The following IQSEC1 variants were observed in gnomAD, a reference collection of about 807,000 sequenced individuals.
IQSEC1 encodes the protein IQ motif and Sec7 domain ArfGEF 1.
IQSEC1 carries 31 observed loss-of-function variants against 91.0 expected under a neutral mutation model. The ratio of observed to expected loss-of-function variants is 0.34; its 90% CI spans 0.26 to 0.46. The LOEUF (loss-of-function observed/expected upper bound fraction) is 0.46, where lower values mean the gene tolerates loss of function less well. Among genes scored for constraint, IQSEC1 ranks in the 20% least tolerant of loss-of-function variants. The pLI is 1.00. For synonymous variants in IQSEC1, 699 were observed against 662.6 expected, an observed-to-expected ratio of 1.05 and a Z score of -0.84; for missense variants, 1,388 against 1,575.6, an observed-to-expected ratio of 0.88 and a Z score of 2.02.
chr3:13,180,355 T>G (rs1204937886), intron 1 of IQSEC1, among the ~76,000 whole-genome samples: 1 of 152,128 alleles, frequency 6.6e-6, no homozygotes, highest in Non-Finnish European at 1.5e-5. Flanking sequence ...TGGTGGGGAC[T>G]TGGAGAACCT....
Position 12,922,799 on chromosome 3 carries a change from G to C in IQSEC1, c.1731-557C>G, listed in dbSNP as rs1696755736. ...CTGTGGGGCAGGGCCTGGAGGGGCG[G>C]CTGATGAATGGTCTCCACATTCTTC... On this transcript the variant is annotated intron_variant, in intron 4 of 13. Transcript: ENST00000613206. The surrounding 1 kb of genome is among the most constrained non-coding windows in gnomAD (Gnocchi z 5.1). Among the ~76,000 whole-genome samples the C allele has an allele frequency of 1.3e-5, 2 of 152,158 alleles. No homozygotes were observed. Among genetic ancestry groups the C allele is most frequent in the Non-Finnish European group, 2.9e-5 (2 of 68,024 alleles).
intron 1 of IQSEC1, among the ~76,000 whole-genome samples, chr3:13,204,262 C>A (rs953606276): frequency 6.6e-6 from 1 of 152,270 alleles, no homozygotes; most frequent in African/African-American, 2.4e-5. Flanking sequence ...CAGTGAGCAG[C>A]GCGGGCGCCA....
Position 13,024,382 on chromosome 3 carries a change from C to T in IQSEC1, c.23+48610G>A, listed in dbSNP as rs989437418. Among the ~76,000 whole-genome samples the T allele has an allele frequency of 6.0e-5, 8 of 133,544 alleles. No individual in the cohort carries two copies. The South Asian group carries it at 2.2e-3, about 37-fold the overall frequency. The allele number at this position is 133,544 out of a possible 152,430, so 87.6% of individuals were successfully genotyped here. A position where few individuals can be genotyped will look rare whatever the true frequency, so the allele number is the denominator to read the frequency against. On this transcript the variant is annotated intron_variant, in intron 1 of 13. Coordinates refer to ENST00000613206, the MANE Select transcript of IQSEC1 (RefSeq NM_001134382.3). ...ACACCCATCCATCACTCCATCCATCCATCCATCCATCCATCCATCCATCCA... is the reference window on the plus strand; with the variant it reads ...ACACCCATCCATCACTCCATCCATCTATCCATCCATCCATCCATCCATCCA...
At chr3:13,220,237 A>G (rs1049574853) in intron 1 of IQSEC1, among the ~76,000 whole-genome samples, 70 of 152,344 alleles carry the variant, frequency 4.6e-4, no homozygotes, top group Non-Finnish European at 8.8e-5. Context: ...GGCCCCTCCA[A>G]GGGGACTGCG....
intron 1 of IQSEC1, among the ~76,000 whole-genome samples, chr3:12,943,772 G>A (rs1027212146): frequency 3.9e-5 from 6 of 152,368 alleles, no homozygotes; most frequent in African/African-American, 1.4e-4. Context: ...TGGAGTGGGG[G>A]CCCCAGCAGG....
At chr3:13,274,187 A>C (rs1229161387) in intron 1 of IQSEC1, among the ~76,000 whole-genome samples, 2 of 152,118 alleles carry the variant, frequency 1.3e-5, no homozygotes, top group Non-Finnish European at 2.9e-5. Flanking sequence ...CTCATCCACA[A>C]ACATGCCTGC....
intron 2 of IQSEC1, among the ~76,000 whole-genome samples, chr3:13,091,829 AG>A (rs1705866566): frequency 6.6e-6 from 1 of 150,814 alleles, no homozygotes; most frequent in Non-Finnish European, 1.5e-5. Context: ...GGGAGTCTTC[AG>A]GGGTTTTCCT....
chr3:13,018,101 G>A (rs964071896), intron 1 of IQSEC1, among the ~76,000 whole-genome samples: 2 of 152,206 alleles, frequency 1.3e-5, no homozygotes, highest in Non-Finnish European at 2.9e-5. Context: ...GGGTGGCAGC[G>A]AGCACCGCAG....
At chr3:13,022,459 G>C (rs1242262604) in intron 1 of IQSEC1, 45 of 1,015,568 alleles carry the variant, frequency 4.4e-5, no homozygotes, top group Non-Finnish European at 5.2e-5. Flanking sequence ...TGCAGGCCAG[G>C]GGAGCAGTGA....
chr3:13,028,665 C>G (rs1189616325), intron 1 of IQSEC1, among the ~76,000 whole-genome samples: 4 of 152,206 alleles, frequency 2.6e-5, no homozygotes, highest in Non-Finnish European at 5.9e-5. Flanking sequence ...CATGGGTTGT[C>G]CCTTCTGAGG....
At chr3:13,001,041 C>T (rs915201481) in intron 1 of IQSEC1, among the ~76,000 whole-genome samples, 22 of 150,620 alleles carry the variant, frequency 1.5e-4, no homozygotes, top group African/African-American at 5.4e-4. Context: ...ACCTCTACCT[C>T]CTGGGTTCAA....
At chr3:13,215,430 A>G (rs1029190044) in intron 1 of IQSEC1, among the ~76,000 whole-genome samples, 3 of 152,068 alleles carry the variant, frequency 2.0e-5, no homozygotes, top group Admixed American at 6.6e-5. Flanking sequence ...CATGAAGGGC[A>G]GCCTCAGGCT....
chr3:13,005,018 C>A (rs149221389), intron 1 of IQSEC1, among the ~76,000 whole-genome samples: 1 of 152,176 alleles, frequency 6.6e-6, no homozygotes, highest in Non-Finnish European at 1.5e-5. Flanking sequence ...ATGTTTCACA[C>A]GTGAACATCT....
chr3:13,200,487 C>G (rs939395564), intron 1 of IQSEC1, among the ~76,000 whole-genome samples: 9 of 152,218 alleles, frequency 5.9e-5, no homozygotes, highest in Non-Finnish European at 1.2e-4. Context: ...CCAACAACAA[C>G]CTGAAAAGGG....
At chr3:12,938,179 C>T (rs796936589) in intron 2 of IQSEC1, among the ~76,000 whole-genome samples, 50 of 152,340 alleles carry the variant, frequency 3.3e-4, no homozygotes, top group African/African-American at 1.1e-3. Flanking sequence ...CCAGGCAAAG[C>T]GTTGCACCTG....
chr3:13,085,475 G>A (rs1167236505), intron 2 of IQSEC1, among the ~76,000 whole-genome samples: 2 of 130,760 alleles, frequency 1.5e-5, no homozygotes, highest in Admixed American at 7.6e-5. Flanking sequence ...CTGGGATTCT[G>A]ACGTAAGAAG....
At chr3:12,952,755 C>A (rs535225795) in intron 1 of IQSEC1, among the ~76,000 whole-genome samples, 1 of 152,194 alleles carries the variant, frequency 6.6e-6, no homozygotes, top group South Asian at 2.1e-4. Context: ...CTGCTCAGAG[C>A]GGACTTCCCC....
At position 12,935,983 on chromosome 3, in the gene IQSEC1, A is replaced by G. The variant is rs1162804503; in HGVS notation, c.1033T>C (p.Cys345Arg). 1 of 1,599,426 alleles carries G rather than the reference A, an allele frequency of 6.3e-7. No homozygotes were observed. The highest frequency in any genetic ancestry group is 8.5e-7 in the Non-Finnish European group (1 of 1,179,652). ...CGCTCCAGCGACGGCGTGCTCCGGC[A>G]GCTCGTGTCCGTGTCAGCCTTGTCC... ...KEDKADTDTS[C>R]RSTPSLERQE... Residue 345 changes from cysteine (C) to arginine (R), a missense_variant, in exon 3 of 14, where the codon TGC becomes CGC. Around this residue, in one of 2 missense-constraint regions of IQSEC1, gnomAD observed 1,059 missense variants for 1,317.8 expected, o/e 0.80. Transcript: ENST00000613206. This position sits in a 1 kb window ranked among gnomAD's most constrained non-coding sequence, Gnocchi z 8.0.
intron 2 of IQSEC1, among the ~76,000 whole-genome samples, chr3:13,090,820 G>C (rs1423343584): frequency 6.6e-6 from 1 of 152,152 alleles, no homozygotes; most frequent in African/African-American, 2.4e-5. Flanking sequence ...TTTAGACTTC[G>C]ATCCTTGAGC....
Sources: allele counts gnomAD v4.1 joint callset (sites outside exome capture counted in the v4.1 genomes callset), GRCh38; gene constraint gnomAD v4.1.1; regional missense constraint gnomAD v4.1.1; non-coding constraint Gnocchi (gnomAD v3.1); transcripts MANE v1.5; gene names NCBI Gene and HGNC (gene_info 2026-07-23, HGNC 2026-07-21).